ADK: variants seen among roughly 807,000 people sequenced by gnomAD.
ADK encodes adenosine kinase, also known as N6,N6-dimethyladenosine kinase.
A neutral mutation model predicts 44.7 loss-of-function variants in ADK; 24 were observed. That is an observed-to-expected ratio of 0.54 (90% CI 0.39 to 0.76). The LOEUF (loss-of-function observed/expected upper bound fraction) is 0.76, where lower values mean the gene tolerates loss of function less well. Among genes scored for constraint, ADK ranks in the 30% least tolerant of loss-of-function variants. The pLI is 0.00. For synonymous variants in ADK, 128 were observed against 142.6 expected, an observed-to-expected ratio of 0.90 and a Z score of 0.73; for missense variants, 321 against 425.1, an observed-to-expected ratio of 0.76 and a Z score of 2.15.
chr10:74,399,677 A>G (rs548612112), intron 6 of ADK, among the ~76,000 whole-genome samples: 1 of 151,884 alleles, frequency 6.6e-6, no homozygotes, highest in African/African-American at 2.4e-5. Context: ...CATTTTTCAA[A>G]TCTTGATACT....
At chr10:74,323,472 C>T (rs538677384) in intron 4 of ADK, among the ~76,000 whole-genome samples, 2 of 152,290 alleles carry the variant, frequency 1.3e-5, no homozygotes, top group African/African-American at 4.8e-5. Context: ...GTACAATTCA[C>T]CTGTTTAAAA....
intron 1 of ADK, among the ~76,000 whole-genome samples, chr10:74,179,386 T>C (rs994347982): frequency 1.3e-5 from 2 of 152,100 alleles, no homozygotes; most frequent in African/African-American, 4.8e-5. Flanking sequence ...CCTAGGAGGT[T>C]AGGCATTCTT....
chr10:74,155,927 T>G (rs756169710), intron 1 of ADK, among the ~76,000 whole-genome samples: 5 of 152,240 alleles, frequency 3.3e-5, no homozygotes, highest in Non-Finnish European at 7.3e-5. Context: ...TTGGTTATTT[T>G]TGGATGATAT....
intron 4 of ADK, among the ~76,000 whole-genome samples, chr10:74,353,853 G>A (rs1251395055): frequency 6.6e-6 from 1 of 152,134 alleles, no homozygotes; most frequent in Non-Finnish European, 1.5e-5. Flanking sequence ...TGGCGACAGA[G>A]CGAGACTCTG....
chr10:74,512,245 C>T (rs903102277), intron 6 of ADK, among the ~76,000 whole-genome samples: 2 of 151,926 alleles, frequency 1.3e-5, no homozygotes. Context: ...GGATATTGGC[C>T]TATCATTTTC....
intron 6 of ADK, among the ~76,000 whole-genome samples, chr10:74,407,566 G>A (rs977465210): frequency 6.6e-6 from 1 of 151,968 alleles, no homozygotes; most frequent in Non-Finnish European, 1.5e-5. Context: ...TCATACATGT[G>A]TACTGAAGAC....
At chr10:74,403,503 T>C (rs1239703780) in intron 6 of ADK, among the ~76,000 whole-genome samples, 1 of 152,092 alleles carries the variant, frequency 6.6e-6, no homozygotes, top group East Asian at 1.9e-4. Flanking sequence ...CGGACTGCTG[T>C]GCTAGCAGTG....
chr10:74,374,787 G>T (rs1592120391), intron 4 of ADK, among the ~76,000 whole-genome samples: 2 of 152,104 alleles, frequency 1.3e-5, no homozygotes, highest in Non-Finnish European at 2.9e-5. Context: ...ATTCACTTTA[G>T]TTTATTTTTC....
chr10:74,347,106 C>CAAAAAAAAAAAAAAAAAAAAAA (rs58074760), intron 4 of ADK, among the ~76,000 whole-genome samples: 2 of 92,346 alleles, frequency 2.2e-5, no homozygotes, highest in African/African-American at 1.4e-4. Context: ...CACTCTGTCT[C>CAAAAAAAAAAAAAAAAAAAAAA]AAAAAAAAAA....
At chr10:74,320,451 G>A (rs1216899363) in intron 4 of ADK, among the ~76,000 whole-genome samples, 1 of 151,900 alleles carries the variant, frequency 6.6e-6, no homozygotes, top group Non-Finnish European at 1.5e-5. Context: ...ATCTTTTTGT[G>A]TTTATCATGT....
At chr10:74,688,870 C>T (rs1469690552) in intron 10 of ADK, among the ~76,000 whole-genome samples, 1 of 152,190 alleles carries the variant, frequency 6.6e-6, no homozygotes, top group African/African-American at 2.4e-5. Context: ...GAGCCATAAT[C>T]ATGCCACTGC....
chr10:74,570,402 A>G (rs1441962448), intron 7 of ADK, among the ~76,000 whole-genome samples: 1 of 152,188 alleles, frequency 6.6e-6, no homozygotes, highest in East Asian at 1.9e-4. Context: ...CTTCCTACCC[A>G]TGAGCATGGA....
chr10:74,548,450 A>G (rs1397846053), intron 7 of ADK, among the ~76,000 whole-genome samples: 2 of 152,220 alleles, frequency 1.3e-5, no homozygotes, highest in African/African-American at 4.8e-5. Flanking sequence ...ATAAAAATAC[A>G]GGATGCCCAT....
chr10:74,249,809 G>T (rs1392906558), intron 3 of ADK, among the ~76,000 whole-genome samples: 1 of 152,104 alleles, frequency 6.6e-6, no homozygotes, highest in African/African-American at 2.4e-5. Flanking sequence ...AGATCATTCA[G>T]TTCTTCAATT....
intron 6 of ADK, among the ~76,000 whole-genome samples, chr10:74,468,859 A>G (rs1846451264): frequency 6.6e-6 from 1 of 152,208 alleles, no homozygotes; most frequent in African/African-American, 2.4e-5. Context: ...TAAAATTTCA[A>G]TTAAAGTATC....
intron 7 of ADK, among the ~76,000 whole-genome samples, chr10:74,535,710 G>A (rs776002321): frequency 6.6e-6 from 1 of 151,162 alleles, no homozygotes; most frequent in African/African-American, 2.4e-5. Flanking sequence ...AGCTTCCCGA[G>A]TAGCTGAGAC....
At chr10:74,434,422 A>T (rs1845112731) in intron 6 of ADK, among the ~76,000 whole-genome samples, 1 of 152,168 alleles carries the variant, frequency 6.6e-6, no homozygotes, top group Non-Finnish European at 1.5e-5. Context: ...GCAAATACAA[A>T]ATTACAACAA....
chr10:74,565,058 C>T (rs1050371959), intron 7 of ADK, among the ~76,000 whole-genome samples: 1 of 152,116 alleles, frequency 6.6e-6, no homozygotes, highest in East Asian at 1.9e-4. Flanking sequence ...CTATTCTGTG[C>T]CCAAAGGCCC....
chr10:74,308,406 G>T (rs921585098), intron 3 of ADK, among the ~76,000 whole-genome samples: 2 of 152,046 alleles, frequency 1.3e-5, no homozygotes, highest in Non-Finnish European at 2.9e-5. Context: ...AAAAATAAAC[G>T]CATGTCGAAA....
Sources: allele counts gnomAD v4.1 joint callset (sites outside exome capture counted in the v4.1 genomes callset), GRCh38; gene constraint gnomAD v4.1.1; transcripts MANE v1.5; gene names NCBI Gene and HGNC (gene_info 2026-07-23, HGNC 2026-07-21).